The following THSD4 variants were observed in gnomAD, a reference collection of about 807,000 sequenced individuals.
The protein encoded by THSD4 is thrombospondin type-1 domain-containing protein 4.
THSD4 carries 69 observed loss-of-function variants against 119.0 expected under a neutral mutation model. The ratio of observed to expected loss-of-function variants is 0.58; its 90% CI spans 0.48 to 0.71. The LOEUF (loss-of-function observed/expected upper bound fraction) is 0.71, where lower values mean the gene tolerates loss of function less well. Among genes scored for constraint, THSD4 ranks in the 30% least tolerant of loss-of-function variants. The pLI is 0.00. For synonymous variants in THSD4, 524 were observed against 540.4 expected, an observed-to-expected ratio of 0.97 and a Z score of 0.42; for missense variants, 1,393 against 1,391.1, an observed-to-expected ratio of 1.00 and a Z score of -0.02.
chr15:71,288,166 C>T (rs1465289076), intron 6 of THSD4, among the ~76,000 whole-genome samples: 5 of 152,054 alleles, frequency 3.3e-5, no homozygotes, highest in Admixed American at 6.6e-5. Flanking sequence ...AAATTTGATT[C>T]GGCCTTTAGA....
At chr15:71,377,402 A>G (rs1027192440) in intron 6 of THSD4, among the ~76,000 whole-genome samples, 6 of 152,102 alleles carry the variant, frequency 3.9e-5, no homozygotes, top group Non-Finnish European at 8.8e-5. Flanking sequence ...ACAGCAGGAA[A>G]GGGGAGAGGG....
At chr15:71,661,065 C>A (rs2051296612) in intron 8 of THSD4, among the ~76,000 whole-genome samples, 1 of 152,312 alleles carries the variant, frequency 6.6e-6, no homozygotes, top group African/African-American at 2.4e-5. Context: ...GCGCGGAGAC[C>A]AGCCAGTGTT....
rs369178771 is a variant in THSD4, at chr15:71,562,914, G to A, written c.1153-97616G>A. On this transcript the variant is annotated intron_variant, in intron 7 of 17. Coordinates refer to ENST00000261862, the MANE Select transcript of THSD4 (RefSeq NM_024817.3). Reference sequence around the variant, plus strand: ...AAACGGGGTTTCGCCATGTTAGCCAGCTGGTCTCCAACTCCTAACCTCAGG... The same window carrying A: ...AAACGGGGTTTCGCCATGTTAGCCAACTGGTCTCCAACTCCTAACCTCAGG... 1.6e-3 allele frequency among the ~76,000 whole-genome samples: 237 copies of A among 152,124 alleles called. 14 individuals are homozygous for A. The South Asian group carries it at 0.048, about 31-fold the overall frequency.
At chr15:71,554,790 TGATG>T (rs2048993219) in intron 7 of THSD4, among the ~76,000 whole-genome samples, 1 of 151,508 alleles carries the variant, frequency 6.6e-6, no homozygotes, top group African/African-American at 2.4e-5. Context: ...TTTAGTGGAG[TGATG>T]GTATTTGAGT....
chr15:71,407,549 A>G (rs1030393916), intron 6 of THSD4, among the ~76,000 whole-genome samples: 54 of 151,582 alleles, frequency 3.6e-4, no homozygotes, highest in African/African-American at 1.2e-3. Flanking sequence ...TTTAGCTTTT[A>G]GTTGCTTTAC....
At position 71,345,155 on chromosome 15, in the gene THSD4, C is replaced by T. The variant is rs962894187; in HGVS notation, c.1016-66532C>T. Among the ~76,000 whole-genome samples, 91 of 122,542 alleles carry T rather than the reference C, an allele frequency of 7.4e-4. 1 individual carries two copies. Among genetic ancestry groups the T allele is most frequent in the African/African-American group, 2.8e-3 (90 of 31,712 alleles). The allele number at this position is 122,542 out of a possible 152,430, so 80.4% of individuals were successfully genotyped here. A position where few individuals can be genotyped will look rare whatever the true frequency, so the allele number is the denominator to read the frequency against. On this transcript the variant is annotated intron_variant, in intron 6 of 17. Coordinates refer to ENST00000261862, the MANE Select transcript of THSD4 (RefSeq NM_024817.3). ...TAATTATATATGTGATTTCTCATTT[C>T]TGTATGGTATGTTTTTGTTCTGTTT...
At chr15:71,653,479 A>G (rs2051131490) in intron 7 of THSD4, among the ~76,000 whole-genome samples, 1 of 152,184 alleles carries the variant, frequency 6.6e-6, no homozygotes, top group South Asian at 2.1e-4. Flanking sequence ...TGTTTGTCAC[A>G]CTGAGAGGGA....
chr15:71,496,431 G>A (rs1379064534), intron 7 of THSD4, among the ~76,000 whole-genome samples: 1 of 152,138 alleles, frequency 6.6e-6, no homozygotes. Flanking sequence ...TATGGGCAGT[G>A]AGGATCTTAA....
At chr15:71,689,416 C>T (rs2051997210) in intron 8 of THSD4, among the ~76,000 whole-genome samples, 1 of 152,156 alleles carries the variant, frequency 6.6e-6, no homozygotes, top group African/African-American at 2.4e-5. Context: ...CTCTGTGACT[C>T]TCCTTTCTCC....
chr15:71,600,256 A>G (rs1430578631), intron 7 of THSD4, among the ~76,000 whole-genome samples: 1 of 152,216 alleles, frequency 6.6e-6, no homozygotes, highest in African/African-American at 2.4e-5. Context: ...TAGTCTTTGA[A>G]TGGTCAAATC....
intron 7 of THSD4, among the ~76,000 whole-genome samples, chr15:71,516,525 A>G (rs1272319977): frequency 1.3e-5 from 2 of 152,224 alleles, no homozygotes; most frequent in Non-Finnish European, 2.9e-5. Flanking sequence ...TCATTTGCCA[A>G]TCTTCAGTAT....
chr15:71,410,759 T>TGG (rs1408989183), intron 6 of THSD4, among the ~76,000 whole-genome samples: 16 of 152,198 alleles, frequency 1.1e-4, no homozygotes, highest in Admixed American at 9.2e-4. Context: ...TGGCCAGGTG[T>TGG]GGTGGCTCAT....
intron 5 of THSD4, among the ~76,000 whole-genome samples, chr15:71,252,548 T>C (rs373202057): frequency 6.6e-6 from 1 of 152,256 alleles, no homozygotes. Flanking sequence ...CCTCTAGCCC[T>C]ATCCTGACAA....
At chr15:71,303,915 C>T (rs557277264) in intron 6 of THSD4, among the ~76,000 whole-genome samples, 2 of 152,292 alleles carry the variant, frequency 1.3e-5, no homozygotes, top group South Asian at 4.1e-4. Flanking sequence ...ACAAGGACCC[C>T]TTTGCCTAGC....
intron 8 of THSD4, among the ~76,000 whole-genome samples, chr15:71,661,735 G>T (rs1223894892): frequency 6.6e-6 from 1 of 152,084 alleles, no homozygotes; most frequent in Admixed American, 6.6e-5. Flanking sequence ...ATAGATGTAA[G>T]CATGTTTAAA....
In THSD4 at chr15:71,237,020, A is replaced by G. The variant is rs537582555; in HGVS notation, c.465-5629A>G. Among the ~76,000 whole-genome samples, 288 of 152,334 alleles carry G rather than the reference A, an allele frequency of 1.9e-3. 2 individuals carry two copies. Among genetic ancestry groups the G allele is most frequent in the African/African-American group, 6.7e-3 (280 of 41,576 alleles). ...AGGAGGAAACAGCATAGGTCAAAAC[A>G]TGGAGAATAAAGTCCCTTGGCCTAC... On this transcript the variant is annotated intron_variant, in intron 4 of 17. Transcript: ENST00000261862.
chr15:71,244,947 A>G (rs946866016), intron 5 of THSD4, among the ~76,000 whole-genome samples: 5 of 152,196 alleles, frequency 3.3e-5, no homozygotes, highest in African/African-American at 1.2e-4. Context: ...CCCGCTTAGC[A>G]TTCCTTGCAT....
chr15:71,557,024 C>T (rs2049029575), intron 7 of THSD4, among the ~76,000 whole-genome samples: 1 of 152,102 alleles, frequency 6.6e-6, no homozygotes, highest in Non-Finnish European at 1.5e-5. Context: ...GAACCTCCAG[C>T]AAAATGTTGA....
At chr15:71,588,076 G>T (rs994918998) in intron 7 of THSD4, among the ~76,000 whole-genome samples, 3 of 152,000 alleles carry the variant, frequency 2.0e-5, no homozygotes, top group African/African-American at 7.2e-5. Flanking sequence ...GGAGGCCGAG[G>T]TGGGCGGATC....
Sources: allele counts gnomAD v4.1 joint callset (sites outside exome capture counted in the v4.1 genomes callset), GRCh38; gene constraint gnomAD v4.1.1; transcripts MANE v1.5; gene names NCBI Gene and HGNC (gene_info 2026-07-23, HGNC 2026-07-21).